Variants in HERC1 observed in about 807,000 individuals in gnomAD.
The protein encoded by HERC1 is HECT and RLD domain containing E3 ubiquitin protein ligase family member 1.
Under a neutral mutation model 554.3 loss-of-function variants are expected in HERC1, and 160 were observed. That is an observed-to-expected ratio of 0.29 (90% CI 0.25 to 0.33). The LOEUF is 0.33. Among genes scored for constraint, HERC1 ranks in the 10% least tolerant of loss-of-function variants. HERC1 has a pLI of 1.00. For synonymous variants in HERC1, 2,175 were observed against 2,131.7 expected (o/e 1.02, Z -0.56); for missense variants, 4,919 against 5,918.5 (o/e 0.83, Z 5.54).
chr15:63,706,232 T>C (rs543714850), intron 25 of HERC1, among the ~76,000 whole-genome samples: 1 of 152,150 alleles, frequency 6.6e-6, no homozygotes, highest in African/African-American at 2.4e-5. Flanking sequence ...CCTCATGAAA[T>C]TTTTAAAATA....
Position 63,622,878 on chromosome 15 carries a change from C to G in HERC1, c.13625G>C (p.Gly4542Ala). 1 of 1,599,974 alleles carries G rather than the reference C, an allele frequency of 6.3e-7. No individual in the cohort carries two copies. Among genetic ancestry groups the G allele is most frequent in the Non-Finnish European group, 8.5e-7 (1 of 1,174,526 alleles). ...AGAGGGTATAAGAAGGTCAACAATA[C>G]CAGTTTCAAGTTCCTGCAGAAGAAA... ...ITEMCQELET[G>A]IVDLLIPSPN... Residue 4542 changes from glycine (G) to alanine (A), a missense_variant, in exon 74 of 78, where the codon GGT becomes GCT. Physicochemically the swap from Gly to Ala is moderately conservative, Grantham distance 60. Transcript: ENST00000443617.
chr15:63,649,386 C>A (rs1316357267), intron 54 of HERC1, among the ~76,000 whole-genome samples: 2 of 151,986 alleles, frequency 1.3e-5, no homozygotes, highest in Admixed American at 6.6e-5. Flanking sequence ...ACAAAAAAAA[C>A]AATTTCATCT....
rs1239861359 is a variant in HERC1, at chr15:63,718,834, G to C, written c.3806C>G (p.Ala1269Gly). 6.2e-7 allele frequency: 1 copy of C among 1,613,704 alleles called. No individual in the cohort carries two copies. ...LLDTVSRFVLAALLKHTNLLS... is the reference protein window; with the variant it reads ...LLDTVSRFVLGALLKHTNLLS... ...TAAATTTGTGTGTTTCAGAAGAGCT[G>C]CAAGAACAAATCTAGACACAGTGTC... Residue 1269 changes from alanine to glycine, a missense_variant, in exon 20 of 78, where the codon GCA (alanine) becomes GGA (glycine). Ala to Gly is a moderately conservative substitution (Grantham distance 60). Around this residue, in one of 11 missense-constraint regions of HERC1, gnomAD observed 1,121 missense variants for 1,244.0 expected, o/e 0.90. Transcript: ENST00000443617. This position sits in a 1 kb window ranked among gnomAD's most constrained non-coding sequence, Gnocchi z 4.2.
intron 66 of HERC1, among the ~76,000 whole-genome samples, chr15:63,634,359 T>G (rs1164814490): frequency 6.6e-6 from 1 of 152,192 alleles, no homozygotes; most frequent in South Asian, 2.1e-4. Flanking sequence ...TAATTACTAC[T>G]TAGGAGCAGT....
Position 63,630,392 on chromosome 15 carries a change from A to C in HERC1, c.12966+74T>G. The C allele has an allele frequency of 4.9e-6, 7 of 1,432,590 alleles. 1 individual carries two copies. The highest frequency in any genetic ancestry group is 3.9e-5 in the South Asian group (3 of 77,024). The allele number at this position is 1,432,590 out of a possible 1,614,324, so 88.7% of individuals were successfully genotyped here. On this transcript the variant is annotated intron_variant, in intron 69 of 77. Transcript: ENST00000443617. Reference sequence around the variant, plus strand: ...CAGTAGATTATGAATTTCCTAGCTTATCTCTTTCCCCAACTGAGGAACACT... The same window carrying C: ...CAGTAGATTATGAATTTCCTAGCTTCTCTCTTTCCCCAACTGAGGAACACT...
intron 48 of HERC1, among the ~76,000 whole-genome samples, chr15:63,657,422 T>C (rs988619094): frequency 1.5e-4 from 23 of 152,180 alleles, no homozygotes; most frequent in Admixed American, 1.1e-3. Flanking sequence ...TTCATGTTTA[T>C]TGGCCATTTG....
At chr15:63,660,280 A>C (rs1425080074) in intron 46 of HERC1, among the ~76,000 whole-genome samples, 1 of 152,230 alleles carries the variant, frequency 6.6e-6, no homozygotes, top group Non-Finnish European at 1.5e-5. Flanking sequence ...AGATCACGCC[A>C]CAGCACTACA....
intron 34 of HERC1, among the ~76,000 whole-genome samples, chr15:63,685,862 CCTAA>C (rs1398523636): frequency 2.0e-5 from 3 of 152,304 alleles, no homozygotes; most frequent in African/African-American, 7.2e-5. Flanking sequence ...ATAAATTTTA[CCTAA>C]CTGATACAGG....
chr15:63,786,869 C>T lies in HERC1; in HGVS notation c.-26-11220G>A, dbSNP rs372528904. On this transcript the variant is annotated intron_variant, in intron 1 of 77. Coordinates refer to ENST00000443617, the MANE Select transcript of HERC1 (RefSeq NM_003922.4). ...GTACTAAATGCCACTAAATCGCTCA[C>T]TTTAAGATGGTTAATTGTACGTGAT... Among the ~76,000 whole-genome samples, 19 of 151,132 alleles carry T rather than the reference C, an allele frequency of 1.3e-4. No homozygotes were observed. In the East Asian group the frequency reaches 3.5e-3, roughly 28 times the overall value.
rs2075302507 is a variant in HERC1 at position 63,752,950 on chromosome 15, A to G, written c.1902+8T>C. The G allele has an allele frequency of 6.2e-7, 1 of 1,612,548 alleles. No individual in the cohort carries two copies. Among genetic ancestry groups the G allele is most frequent in the African/African-American group, 1.3e-5 (1 of 74,870 alleles). On this transcript the variant is annotated splice_region_variant and intron_variant, in intron 8 of 77. Coordinates refer to ENST00000443617, the MANE Select transcript of HERC1 (RefSeq NM_003922.4). ...TCTAAGTCTTTTATACTCATCCCTT[A>G]GTCCTACCTGCCCTGTTGATGTCAA...
At chr15:63,812,194 T>C (rs997492778) in intron 1 of HERC1, among the ~76,000 whole-genome samples, 10 of 152,304 alleles carry the variant, frequency 6.6e-5, no homozygotes, top group African/African-American at 2.4e-4. Flanking sequence ...GTTGTGTTTT[T>C]ACAAATTACA....
In HERC1 at chr15:63,719,468, G is replaced by C. The variant is rs112476291; in HGVS notation, c.3743-571C>G. Among the ~76,000 whole-genome samples, 529 of 152,394 alleles carry C rather than the reference G, an allele frequency of 3.5e-3. 3 individuals are homozygous for C. Among genetic ancestry groups the C allele is most frequent in the Non-Finnish European group, 6.6e-3 (446 of 68,040 alleles). On this transcript the variant is annotated intron_variant, in intron 19 of 77. Coordinates refer to ENST00000443617, the MANE Select transcript of HERC1 (RefSeq NM_003922.4). ...CAGATCCCAACGGCCTTGCAGGCCA[G>C]TACAAGTCCTCCAGGTTTTACTCGG...
At chr15:63,723,499 GT>G (rs1337345083) in intron 18 of HERC1, 144 bp from the exon 19 acceptor site, 3 of 605,988 alleles carry the variant, frequency 5.0e-6, no homozygotes, top group Non-Finnish European at 8.5e-6. Flanking sequence ...GTCCTTTAAT[GT>G]TTTTCAGTTG....
intron 2 of HERC1, among the ~76,000 whole-genome samples, chr15:63,764,465 C>G (rs1216793905): frequency 1.3e-5 from 2 of 152,146 alleles, no homozygotes; most frequent in African/African-American, 2.4e-5. Flanking sequence ...ACAGGGCTCT[C>G]GAAACAATCA....
Position 63,678,006 on chromosome 15 carries a change from C to T in HERC1, c.6909G>A (p.Val2303=), listed in dbSNP as rs891643986. The T allele has an allele frequency of 1.9e-6, 3 of 1,613,902 alleles. No individual in the cohort carries two copies. The African/African-American group carries it at 4.0e-5, about 22-fold the overall frequency. The change falls in exon 37 of 78, where the codon GTG becomes GTA. Residue 2303 remains valine (V), a synonymous_variant. Coordinates refer to ENST00000443617, the MANE Select transcript of HERC1 (RefSeq NM_003922.4). Reference sequence around the variant, plus strand: ...CTCCTATCACAGCCAGCACGGGCCACACCTCTATGCAAAGAGTCCTCAGCT... The same window carrying T: ...CTCCTATCACAGCCAGCACGGGCCATACCTCTATGCAAAGAGTCCTCAGCT... ...ELQLRTLCIE[V]WPVLAVIGGV...
At chr15:63,776,940 C>A (rs146773108) in intron 1 of HERC1, among the ~76,000 whole-genome samples, 2,016 of 152,298 alleles carry the variant, frequency 0.013, 23 homozygotes, top group East Asian at 0.023. Flanking sequence ...AAACAGACAT[C>A]TGTAGTTTAT....
chr15:63,680,051 T>C lies in HERC1; in HGVS notation c.6549+26A>G, dbSNP rs756896214. ...TAAACAATAAAATAACAAATATTCT[T>C]AAATAAAGGTTTGAGACTTCATTAC... On this transcript the variant is annotated intron_variant, in intron 36 of 77. Coordinates refer to ENST00000443617, the MANE Select transcript of HERC1 (RefSeq NM_003922.4). This position sits in a 1 kb window ranked among gnomAD's most constrained non-coding sequence, Gnocchi z 5.8. 2.8e-5 allele frequency: 41 copies of C among 1,442,166 alleles called. No individual in the cohort carries two copies. In the East Asian group the frequency reaches 4.6e-4, roughly 16 times the overall value. The allele number at this position is 1,442,166 out of a possible 1,614,324, so 89.3% of individuals were successfully genotyped here.
chr15:63,737,417 CTTTTTTCCA>C (rs2074563056), intron 12 of HERC1, among the ~76,000 whole-genome samples: 3 of 69,888 alleles, frequency 4.3e-5, no homozygotes, highest in African/African-American at 1.1e-4. Flanking sequence ...ATATATATAT[CTTTTTTCCA>C]GATATATATA....
intron 51 of HERC1, among the ~76,000 whole-genome samples, chr15:63,653,607 CT>C (rs548592059): frequency 1.1e-4 from 17 of 152,180 alleles, no homozygotes; most frequent in African/African-American, 4.1e-4. Context: ...AGATAGATTC[CT>C]TATAAAAATG....
Sources: gnomAD v4.1 joint callset for allele counts (sites outside exome capture counted in the v4.1 genomes callset) on GRCh38, gnomAD v4.1.1 for gene constraint, gnomAD v4.1.1 regional missense constraint, Gnocchi (gnomAD v3.1) non-coding constraint, MANE v1.5 for transcripts, NCBI Gene and HGNC (gene_info 2026-07-23, HGNC 2026-07-21) for gene names.